The following NCOA3 variants were observed in gnomAD, a reference collection of about 807,000 sequenced individuals.
NCOA3 encodes nuclear receptor coactivator 3.
Under a neutral mutation model 158.8 loss-of-function variants are expected in NCOA3, and 51 were observed. The ratio of observed to expected loss-of-function variants is 0.32; its 90% CI spans 0.26 to 0.41. The LOEUF (loss-of-function observed/expected upper bound fraction) is 0.41, where lower values mean the gene tolerates loss of function less well. Among genes scored for constraint, NCOA3 ranks in the 10% least tolerant of loss-of-function variants. NCOA3 has a pLI of 1.00. For missense variants in NCOA3, 1,510 were observed against 1,746.6 expected, an observed-to-expected ratio of 0.86 and a Z score of 2.41; for synonymous variants, 537 against 592.4, an observed-to-expected ratio of 0.91 and a Z score of 1.36.
intron 1 of NCOA3, among the ~76,000 whole-genome samples, chr20:47,561,297 GAC>G (rs2085101005): frequency 7.6e-6 from 1 of 132,132 alleles, no homozygotes; most frequent in Non-Finnish European, 1.6e-5. Flanking sequence ...TTTTCAAGTT[GAC>G]TTTTTTTTTT....
At chr20:47,653,153 T>C in intron 22 of NCOA3, 81 bp downstream of exon 22, 1 of 1,476,062 alleles carries the variant, frequency 6.8e-7, no homozygotes, top group Non-Finnish European at 9.2e-7. Context: ...ATAATCAGAA[T>C]GTCCTAGGTA....
At chr20:47,557,166 G>A (rs2085020188) in intron 1 of NCOA3, among the ~76,000 whole-genome samples, 1 of 152,152 alleles carries the variant, frequency 6.6e-6, no homozygotes, top group South Asian at 2.1e-4. Context: ...TGGGTCTGTG[G>A]ATGTCCAAGG....
chr20:47,542,819 G>A (rs758209778), intron 1 of NCOA3, among the ~76,000 whole-genome samples: 9 of 152,012 alleles, frequency 5.9e-5, no homozygotes, highest in Non-Finnish European at 1.3e-4. Flanking sequence ...AAAATTATCC[G>A]GGCATGGTGG....
intron 1 of NCOA3, among the ~76,000 whole-genome samples, chr20:47,541,935 GT>G (rs1202041065): frequency 6.9e-6 from 1 of 144,066 alleles, no homozygotes; most frequent in African/African-American, 2.6e-5. Flanking sequence ...TGCGACCTAA[GT>G]TTCTGTTAAT....
At position 47,653,285 on chromosome 20, in the gene NCOA3, T is replaced by C. The variant is rs1353437830; in HGVS notation, c.4264-121T>C. On this transcript the variant is annotated intron_variant, in intron 22 of 22. Transcript: ENST00000371998. The stretch of plus-strand genomic sequence containing the variant: ...ATTGTAAGATGGGATCTCAGGAACC[T>C]GAATCACTCAGCCAGAGCTGCACTG... 8 of 1,307,732 alleles carry C rather than the reference T, an allele frequency of 6.1e-6. No individual in the cohort carries two copies. In the African/African-American group the frequency reaches 1.2e-4, roughly 19 times the overall value. The allele number at this position is 1,307,732 out of a possible 1,614,324, so 81.0% of individuals were successfully genotyped here. A position where few individuals can be genotyped will look rare whatever the true frequency, so the allele number is the denominator to read the frequency against.
chr20:47,525,947 C>T (rs1411013833), intron 1 of NCOA3, among the ~76,000 whole-genome samples: 8 of 151,412 alleles, frequency 5.3e-5, no homozygotes, highest in African/African-American at 1.9e-4. Context: ...GGCTGACCCC[C>T]CCACCTCCCT....
chr20:47,522,167 A>G (rs2084349601), intron 1 of NCOA3, among the ~76,000 whole-genome samples: 1 of 127,492 alleles, frequency 7.8e-6, no homozygotes, highest in Admixed American at 1.0e-4. Flanking sequence ...CAGTGGAGCG[A>G]TCTCGGTTCA....
At chr20:47,574,197 G>A (rs2085338694) in intron 1 of NCOA3, among the ~76,000 whole-genome samples, 1 of 152,156 alleles carries the variant, frequency 6.6e-6, no homozygotes, top group South Asian at 2.1e-4. Context: ...GTGCCTTGCT[G>A]CTGCTCTGTC....
chr20:47,580,607 C>A (rs2085437826), intron 1 of NCOA3, among the ~76,000 whole-genome samples: 1 of 149,732 alleles, frequency 6.7e-6, no homozygotes, highest in Non-Finnish European at 1.5e-5. Flanking sequence ...CTCTTTTGTT[C>A]CTTAGGTGCT....
At chr20:47,638,037 C>T (rs148244564) in intron 13 of NCOA3, among the ~76,000 whole-genome samples, 19 of 152,126 alleles carry the variant, frequency 1.2e-4, no homozygotes, top group African/African-American at 4.3e-4. Context: ...GAAAAATATT[C>T]ATGTTTGATT....
At chr20:47,531,940 A>G (rs2084553791) in intron 1 of NCOA3, among the ~76,000 whole-genome samples, 1 of 152,138 alleles carries the variant, frequency 6.6e-6, no homozygotes, top group African/African-American at 2.4e-5. Flanking sequence ...AAACGTGTAC[A>G]TCCTCACACC....
intron 1 of NCOA3, among the ~76,000 whole-genome samples, chr20:47,565,717 G>A (rs1489313423): frequency 1.3e-5 from 2 of 152,114 alleles, no homozygotes; most frequent in Non-Finnish European, 2.9e-5. Context: ...CTGAAACCCT[G>A]TTCCAAAAAA....
At chr20:47,530,098 A>AGT (rs1240682395) in intron 1 of NCOA3, among the ~76,000 whole-genome samples, 12 of 152,372 alleles carry the variant, frequency 7.9e-5, no homozygotes, top group East Asian at 3.9e-4. Flanking sequence ...TTTAATGAGC[A>AGT]GTGCATATAT....
At chr20:47,600,140 G>GTGTGTA in intron 2 of NCOA3, among the ~76,000 whole-genome samples, 1 of 150,422 alleles carries the variant, frequency 6.6e-6, no homozygotes, top group East Asian at 1.9e-4. Context: ...GTGTGTGTGT[G>GTGTGTA]TGTGTATTTT....
chr20:47,510,736 G>A (rs1032167399), intron 1 of NCOA3, among the ~76,000 whole-genome samples: 1 of 151,870 alleles, frequency 6.6e-6, no homozygotes, highest in Admixed American at 6.6e-5. Flanking sequence ...GTGACTACAG[G>A]CACATGTCAC....
In NCOA3 at chr20:47,627,752, A is replaced by G. The variant is rs773963178; in HGVS notation, c.721+3A>G. The G allele has an allele frequency of 8.1e-6, 13 of 1,612,402 alleles. No homozygotes were observed. The South Asian group carries it at 1.4e-4, about 18-fold the overall frequency. ...AGCTATGATGGAGGAAGGGGAAGGT[A>G]AGAGCTATTATATGTTTGTGATGTT... On this transcript the variant is annotated splice_donor_region_variant and intron_variant, in intron 7 of 22. Coordinates refer to ENST00000371998, the MANE Select transcript of NCOA3 (RefSeq NM_181659.3).
intron 2 of NCOA3, among the ~76,000 whole-genome samples, chr20:47,608,640 CAAAAA>C (rs148545557): frequency 0.016 from 1,625 of 98,654 alleles, 23 homozygotes; most frequent in Non-Finnish European, 0.022. Context: ...ACCCTGTCTC[CAAAAA>C]AAAAAAAAAA....
At chr20:47,606,916 G>A (rs1368856217) in intron 2 of NCOA3, among the ~76,000 whole-genome samples, 1 of 152,196 alleles carries the variant, frequency 6.6e-6, no homozygotes, top group Admixed American at 6.5e-5. Flanking sequence ...GCCACCATGA[G>A]CATAACAGCC....
At position 47,634,042 on chromosome 20, in the gene NCOA3, C is replaced by G. The variant is rs1239141710; in HGVS notation, c.965-6C>G. On this transcript the variant is annotated splice_region_variant and splice_polypyrimidine_tract_variant and intron_variant, in intron 9 of 22. Coordinates refer to ENST00000371998, the MANE Select transcript of NCOA3 (RefSeq NM_181659.3). ...GTTACCAGTGATGGGATATTTTCCC[C>G]AACAGCTTATCTTAATGGCCATGCA... is the stretch of plus-strand genomic sequence containing the variant. 5.6e-6 allele frequency: 9 copies of G among 1,613,860 alleles called. No homozygotes were observed. The highest frequency in any genetic ancestry group is 7.6e-6 in the Non-Finnish European group (9 of 1,179,914).
Sources: gnomAD v4.1 joint callset for allele counts (sites outside exome capture counted in the v4.1 genomes callset) on GRCh38, gnomAD v4.1.1 for gene constraint, MANE v1.5 for transcripts, NCBI Gene and HGNC (gene_info 2026-07-23, HGNC 2026-07-21) for gene names.